The following SUSD1 variants were observed in gnomAD, a reference collection of about 807,000 sequenced individuals.
SUSD1 encodes sushi domain containing 1.
Under a neutral mutation model 86.9 loss-of-function variants are expected in SUSD1, and 65 were observed. The ratio of observed to expected loss-of-function variants is 0.75; its 90% CI spans 0.61 to 0.92. The LOEUF (loss-of-function observed/expected upper bound fraction) is 0.92. SUSD1 is among the 40% of genes least tolerant of loss of function. The pLI is 0.00. For synonymous variants in SUSD1, 346 were observed against 350.0 expected (o/e 0.99, Z 0.13); for missense variants, 850 against 929.7 (o/e 0.91, Z 1.11).
intron 12 of SUSD1, among the ~76,000 whole-genome samples, chr9:112,063,993 C>A (rs982108892): frequency 8.4e-5 from 12 of 142,194 alleles, no homozygotes; most frequent in African/African-American, 3.2e-4. Flanking sequence ...ATTTGTGAAA[C>A]AGCTAGTTCC....
intron 1 of SUSD1, among the ~76,000 whole-genome samples, chr9:112,174,754 G>T (rs1834193239): frequency 6.6e-6 from 1 of 152,154 alleles, no homozygotes; most frequent in Non-Finnish European, 1.5e-5. Flanking sequence ...AGAGCCGGAA[G>T]CGTGACAGCG....
At chr9:112,081,358 G>T (rs1019978072) in intron 10 of SUSD1, among the ~76,000 whole-genome samples, 6 of 152,220 alleles carry the variant, frequency 3.9e-5, no homozygotes, top group Non-Finnish European at 7.3e-5. Flanking sequence ...GGGCAGCTTG[G>T]CACAAAGAAA....
chr9:112,078,809 C>CTT, intron 11 of SUSD1, 85 bp from the exon 12 acceptor site: 9 of 829,692 alleles, frequency 1.1e-5, no homozygotes, highest in East Asian at 2.9e-5. Flanking sequence ...CTTTTTCTTT[C>CTT]TCTTTTTTTT....
chr9:112,111,909 G>A, intron 7 of SUSD1, 69 bp from the exon 8 acceptor site: 1 of 1,506,866 alleles, frequency 6.6e-7, no homozygotes, highest in Non-Finnish European at 9.1e-7. Flanking sequence ...TGTGGTGCTG[G>A]AGCCCATTCT....
At chr9:112,054,338 A>G (rs1828353821) in intron 14 of SUSD1, among the ~76,000 whole-genome samples, 1 of 152,200 alleles carries the variant, frequency 6.6e-6, no homozygotes, top group South Asian at 2.1e-4. Context: ...TAATCCCAGT[A>G]CTTTGGGAGG....
intron 9 of SUSD1, among the ~76,000 whole-genome samples, chr9:112,100,465 C>T (rs111567951): frequency 0.14 from 20,846 of 151,738 alleles, 1,782 homozygotes; most frequent in East Asian, 0.22. Context: ...GGATTACAGG[C>T]GTGAGCCACC....
At chr9:112,049,364 G>A (rs1828091687) in intron 15 of SUSD1, among the ~76,000 whole-genome samples, 1 of 152,138 alleles carries the variant, frequency 6.6e-6, no homozygotes, top group African/African-American at 2.4e-5. Flanking sequence ...ATAATACTCT[G>A]TGGCTGGAAA....
chr9:112,145,408 T>C (rs1251837493), intron 3 of SUSD1, among the ~76,000 whole-genome samples: 1 of 151,650 alleles, frequency 6.6e-6, no homozygotes, highest in African/African-American at 2.4e-5. Flanking sequence ...GCCTCCTGAG[T>C]AGCTGGGACT....
At chr9:112,079,529 A>G (rs1343330285) in intron 11 of SUSD1, among the ~76,000 whole-genome samples, 1 of 150,970 alleles carries the variant, frequency 6.6e-6, no homozygotes, top group Non-Finnish European at 1.5e-5. Flanking sequence ...AACCACCCTG[A>G]CACTTCGGCC....
chr9:112,071,897 G>C (rs1829285212), intron 12 of SUSD1, among the ~76,000 whole-genome samples: 1 of 152,100 alleles, frequency 6.6e-6, no homozygotes, highest in East Asian at 1.9e-4. Flanking sequence ...AATTAAAATT[G>C]AAGGCAACAG....
chr9:112,136,023 T>C (rs1488498134), intron 5 of SUSD1, among the ~76,000 whole-genome samples: 1 of 152,180 alleles, frequency 6.6e-6, no homozygotes, highest in East Asian at 1.9e-4. Context: ...TTATAACCAA[T>C]GTCATCACTC....
intron 12 of SUSD1, among the ~76,000 whole-genome samples, chr9:112,063,915 T>C (rs1447650361): frequency 2.6e-5 from 4 of 152,188 alleles, no homozygotes; most frequent in Middle Eastern, 3.2e-3. Flanking sequence ...CCATGCAATG[T>C]AGGAACTTCT....
chr9:112,071,036 G>A (rs1356032196), intron 12 of SUSD1, among the ~76,000 whole-genome samples: 2 of 152,158 alleles, frequency 1.3e-5, no homozygotes, highest in Non-Finnish European at 2.9e-5. Flanking sequence ...CCAGGCTGGG[G>A]TGCACTGGCA....
At chr9:112,172,964 C>G (rs559685627) in intron 1 of SUSD1, among the ~76,000 whole-genome samples, 2 of 152,294 alleles carry the variant, frequency 1.3e-5, no homozygotes, top group Admixed American at 6.5e-5. Context: ...AACCAGGAAG[C>G]CTTGACTTCT....
At chr9:112,102,025 C>G (rs1355578720) in intron 9 of SUSD1, 151 bp downstream of exon 9, 1 of 473,074 alleles carries the variant, frequency 2.1e-6, no homozygotes, top group Non-Finnish European at 3.8e-6. Flanking sequence ...CATTTACACC[C>G]ATCTCACATC....
chr9:112,091,022 C>A (rs943959570), intron 10 of SUSD1, among the ~76,000 whole-genome samples: 1 of 152,130 alleles, frequency 6.6e-6, no homozygotes, highest in Non-Finnish European at 1.5e-5. Context: ...TGGATATGGT[C>A]CCACTGAGCT....
At chr9:112,131,735 C>T (rs1047568216) in intron 5 of SUSD1, among the ~76,000 whole-genome samples, 4 of 152,144 alleles carry the variant, frequency 2.6e-5, no homozygotes, top group African/African-American at 9.7e-5. Flanking sequence ...ATAAGCAGTA[C>T]AAATTTGCAT....
chr9:112,081,797 C>T (rs769152261), intron 10 of SUSD1, among the ~76,000 whole-genome samples: 1 of 152,026 alleles, frequency 6.6e-6, no homozygotes, highest in South Asian at 2.1e-4. Context: ...TACACTACGA[C>T]CAAAGATTTA....
At chr9:112,066,258 G>GC (rs1182672064) in intron 12 of SUSD1, among the ~76,000 whole-genome samples, 1 of 152,202 alleles carries the variant, frequency 6.6e-6, no homozygotes, top group Non-Finnish European at 1.5e-5. Context: ...AAGGAACAGA[G>GC]CTTGGGGGTC....
Sources: allele counts gnomAD v4.1 joint callset (sites outside exome capture counted in the v4.1 genomes callset), GRCh38; gene constraint gnomAD v4.1.1; transcripts MANE v1.5; gene names NCBI Gene and HGNC (gene_info 2026-07-23, HGNC 2026-07-21).